The following FMNL2 variants were observed in gnomAD, a reference collection of about 807,000 sequenced individuals.
The protein encoded by FMNL2 is formin like 2, also known as formin-like protein 2.
In FMNL2, 51 loss-of-function variants were observed where a neutral mutation model predicts 130.2. The ratio of observed to expected loss-of-function variants is 0.39; its 90% CI spans 0.31 to 0.49. The LOEUF (loss-of-function observed/expected upper bound fraction) is 0.49, where lower values mean the gene tolerates loss of function less well. Ranked by LOEUF, FMNL2 falls within the 20% of genes least tolerant of loss-of-function variation. FMNL2 has a pLI of 0.85. For synonymous variants in FMNL2, 465 were observed against 467.1 expected (o/e 1.00, Z 0.06); for missense variants, 977 against 1,316.2 (o/e 0.74, Z 3.99).
chr2:152,629,947 G>T, intron 20 of FMNL2, 42 bp downstream of exon 20: 2 of 1,544,154 alleles, frequency 1.3e-6, no homozygotes, highest in Non-Finnish European at 1.8e-6. Context: ...TTGAAGGACA[G>T]ATGGCTGGCA....
chr2:152,622,785 G>A (rs546551426), intron 15 of FMNL2, among the ~76,000 whole-genome samples: 1 of 149,196 alleles, frequency 6.7e-6, no homozygotes, highest in South Asian at 2.1e-4. Context: ...GGATTCATAT[G>A]CCCTCTTCCA....
chr2:152,648,827 A>AGAT lies in FMNL2; in HGVS notation c.*923_*925dup, dbSNP rs1559042085. 2 of 152,582 alleles carry AGAT rather than the reference A, an allele frequency of 1.3e-5. No individual in the cohort carries two copies. The highest frequency in any genetic ancestry group is 3.9e-4 in the East Asian group (2 of 5,184). The allele number at this position is 152,582 out of a possible 1,614,324, so 9.5% of individuals were successfully genotyped here. ...TTTCTTATTTTTTATAAATTCAAGAAGATACACTTGGCATCGTGTATCGAG... is the reference window on the plus strand; with the variant it reads ...TTTCTTATTTTTTATAAATTCAAGAAGATGATACACTTGGCATCGTGTATCGAG... On this transcript the variant is annotated 3_prime_UTR_variant, in exon 26 of 26. Transcript: ENST00000288670.
chr2:152,474,309 A>G (rs1339514773), intron 1 of FMNL2, among the ~76,000 whole-genome samples: 1 of 152,226 alleles, frequency 6.6e-6, no homozygotes, highest in Non-Finnish European at 1.5e-5. Context: ...CCTTTTGAGT[A>G]TTGGCTGAAG....
intron 1 of FMNL2, among the ~76,000 whole-genome samples, chr2:152,446,534 A>AT (rs1471301751): frequency 6.6e-6 from 1 of 152,234 alleles, no homozygotes; most frequent in African/African-American, 2.4e-5. Flanking sequence ...TTAAAAAAAA[A>AT]GCATGCTCTT....
At chr2:152,458,354 C>T (rs894578777) in intron 1 of FMNL2, among the ~76,000 whole-genome samples, 3 of 152,158 alleles carry the variant, frequency 2.0e-5, no homozygotes, top group East Asian at 1.9e-4. Flanking sequence ...TATCTTAGTC[C>T]GGAGCAATAA....
chr2:152,568,043 C>T (rs777095950), intron 6 of FMNL2, among the ~76,000 whole-genome samples: 4 of 152,074 alleles, frequency 2.6e-5, no homozygotes, highest in East Asian at 1.9e-4. Context: ...CAAGGTTCTG[C>T]GGTATTATGT....
intron 1 of FMNL2, among the ~76,000 whole-genome samples, chr2:152,432,509 TC>T (rs1320755611): frequency 2.6e-5 from 4 of 152,184 alleles, no homozygotes; most frequent in African/African-American, 7.2e-5. Context: ...TGCCTCCCGT[TC>T]CTTTCCTGTC....
At chr2:152,640,092 G>A (rs771234796) in intron 24 of FMNL2, 36 bp downstream of exon 24, 5 of 1,512,924 alleles carry the variant, frequency 3.3e-6, no homozygotes, top group Admixed American at 2.3e-5. Flanking sequence ...AGGTCCGTGA[G>A]GAGAGGCTGA....
At chr2:152,386,182 C>T (rs1437646836) in intron 1 of FMNL2, among the ~76,000 whole-genome samples, 1 of 152,206 alleles carries the variant, frequency 6.6e-6, no homozygotes, top group Non-Finnish European at 1.5e-5. Flanking sequence ...GATTTATTCC[C>T]AGCACCTTCA....
At chr2:152,629,143 C>G (rs948564822) in intron 18 of FMNL2, among the ~76,000 whole-genome samples, 9 of 151,994 alleles carry the variant, frequency 5.9e-5, no homozygotes, top group African/African-American at 1.9e-4. Context: ...TTATAGTAGT[C>G]AGTTCTTTCC....
At chr2:152,594,482 G>A (rs557641134) in intron 9 of FMNL2, among the ~76,000 whole-genome samples, 19 of 152,230 alleles carry the variant, frequency 1.2e-4, no homozygotes, top group Non-Finnish European at 2.5e-4. Flanking sequence ...CTACTTGGAA[G>A]GTGGCTGCGT....
intron 6 of FMNL2, among the ~76,000 whole-genome samples, chr2:152,568,218 GT>G (rs1177965681): frequency 4.9e-4 from 17 of 34,846 alleles, no homozygotes; most frequent in Admixed American, 8.8e-4. Context: ...ATTTTGGTGG[GT>G]TTTTTTTTTT....
intron 4 of FMNL2, among the ~76,000 whole-genome samples, chr2:152,554,541 T>C (rs1196996797): frequency 6.6e-6 from 1 of 152,260 alleles, no homozygotes; most frequent in Non-Finnish European, 1.5e-5. Flanking sequence ...TTCTCCACTG[T>C]TGAAGCATAT....
intron 10 of FMNL2, among the ~76,000 whole-genome samples, 193 bp from the exon 11 acceptor site, chr2:152,611,302 G>A (rs11689419): frequency 0.1 from 15,229 of 152,150 alleles, 966 homozygotes; most frequent in Admixed American, 0.2. Flanking sequence ...TCATGCCACT[G>A]CACTCCAGTC....
intron 1 of FMNL2, among the ~76,000 whole-genome samples, chr2:152,462,437 C>T (rs1464438419): frequency 6.6e-6 from 1 of 152,166 alleles, no homozygotes. Context: ...GCCACTCCCA[C>T]ACATTCTGGT....
At chr2:152,441,601 C>T (rs1393612076) in intron 1 of FMNL2, among the ~76,000 whole-genome samples, 1 of 151,956 alleles carries the variant, frequency 6.6e-6, no homozygotes, top group African/African-American at 2.4e-5. Flanking sequence ...CTTTGGGAGG[C>T]TGAGGCAGGG....
intron 13 of FMNL2, among the ~76,000 whole-genome samples, chr2:152,617,525 C>T (rs1238068831): frequency 1.3e-5 from 2 of 152,188 alleles, no homozygotes; most frequent in East Asian, 3.8e-4. Flanking sequence ...ATTCATGCCA[C>T]TTATTTATTT....
At chr2:152,597,796 C>G (rs1697845437) in intron 9 of FMNL2, among the ~76,000 whole-genome samples, 1 of 152,210 alleles carries the variant, frequency 6.6e-6, no homozygotes, top group Non-Finnish European at 1.5e-5. Context: ...TACCCAAATC[C>G]ATTCTCTGCT....
rs143998907 is a variant in FMNL2 at position 152,437,014 on chromosome 2, G to A, written c.118-84929G>A. Among the ~76,000 whole-genome samples the A allele has an allele frequency of 2.0e-5, 3 of 152,320 alleles. No individual in the cohort carries two copies. In the South Asian group the frequency reaches 6.2e-4, roughly 32 times the overall value. On this transcript the variant is annotated intron_variant, in intron 1 of 25. Transcript: ENST00000288670. The stretch of plus-strand genomic sequence containing the variant: ...GCATCAAGGCACTGGCAGATCTGGT[G>A]TCTGGTGAAGGTATGCTTCATGGTT...
Sources: gnomAD v4.1 joint callset for allele counts (sites outside exome capture counted in the v4.1 genomes callset) on GRCh38, gnomAD v4.1.1 for gene constraint, MANE v1.5 for transcripts, NCBI Gene and HGNC (gene_info 2026-07-23, HGNC 2026-07-21) for gene names.